The following BRWD3 variants were observed in gnomAD, a reference collection of about 807,000 sequenced individuals.
BRWD3 encodes the protein bromodomain and WD repeat-containing protein 3.
BRWD3 carries 10 observed loss-of-function variants against 149.7 expected under a neutral mutation model. That is an observed-to-expected ratio of 0.07 (90% CI 0.04 to 0.11). The LOEUF (loss-of-function observed/expected upper bound fraction) is 0.11, where lower values mean the gene tolerates loss of function less well. BRWD3 is among the 10% of genes least tolerant of loss of function. The pLI is 1.00. For missense variants in BRWD3, 940 were observed against 1,373.2 expected, an observed-to-expected ratio of 0.68 and a Z score of 4.99; for synonymous variants, 504 against 456.7, an observed-to-expected ratio of 1.10 and a Z score of -1.32.
intron 8 of BRWD3, among the ~76,000 whole-genome samples, chrX:80,743,076 A>T (rs747603128): frequency 1.8e-5 from 2 of 111,881 alleles, no homozygotes; most frequent in South Asian, 7.5e-4. Context: ...TCCCATGAAT[A>T]CCTAATTTAT....
At chrX:80,772,034 T>G (rs146277699) in intron 6 of BRWD3, among the ~76,000 whole-genome samples, 9,346 of 111,330 alleles carry the variant, frequency 0.084, 373 homozygotes, top group South Asian at 0.19. Context: ...TGTAAACTAG[T>G]TCAACCATTC....
At chrX:80,760,089 C>T (rs1004357710) in intron 6 of BRWD3, among the ~76,000 whole-genome samples, 2 of 112,023 alleles carry the variant, frequency 1.8e-5, no homozygotes, top group African/African-American at 3.2e-5. Context: ...CATGTTAAAG[C>T]TTCTAGTTTA....
intron 6 of BRWD3, among the ~76,000 whole-genome samples, chrX:80,755,865 T>C (rs970469886): frequency 4.5e-5 from 5 of 111,796 alleles, no homozygotes; most frequent in Non-Finnish European, 7.5e-5. Flanking sequence ...TACAAAATTA[T>C]GTGTACACTA....
At chrX:80,718,096 G>C (rs2147746168) in intron 18 of BRWD3, among the ~76,000 whole-genome samples, 1 of 111,483 alleles carries the variant, frequency 9.0e-6, no homozygotes, top group South Asian at 3.7e-4. Flanking sequence ...GTTCAGGAAG[G>C]AGCTTTTTGA....
chrX:80,698,256 G>T (rs1355863207), intron 25 of BRWD3, among the ~76,000 whole-genome samples: 1 of 111,573 alleles, frequency 9.0e-6, no homozygotes, highest in Non-Finnish European at 1.9e-5. Flanking sequence ...TTTAACAGAT[G>T]GCAAAACTGA....
chrX:80,809,093 A>T (rs1387554570), intron 2 of BRWD3, 51 bp from the exon 3 acceptor site: 1 of 1,167,249 alleles, frequency 8.6e-7, no homozygotes. Context: ...CCATCAACCC[A>T]TTCCTCCCTC....
At chrX:80,780,324 A>C (rs1569285073) in intron 6 of BRWD3, among the ~76,000 whole-genome samples, 1 of 111,571 alleles carries the variant, frequency 9.0e-6, no homozygotes, top group East Asian at 2.8e-4. Context: ...ACTAGGATTA[A>C]ATGGAGAAAA....
intron 4 of BRWD3, among the ~76,000 whole-genome samples, chrX:80,794,514 AAAAT>A (rs1053595337): frequency 9.1e-6 from 1 of 109,415 alleles, no homozygotes; most frequent in African/African-American, 3.3e-5. Context: ...CAAAAAAATA[AAAAT>A]AAATAAAAAA....
chrX:80,793,592 T>C, intron 5 of BRWD3, 30 bp downstream of exon 5: 1 of 1,196,745 alleles, frequency 8.4e-7, no homozygotes, highest in African/African-American at 1.7e-5. Context: ...CTTCCTCTGA[T>C]ATCACAGTCC....
At chrX:80,741,360 C>A (rs181383213) in intron 8 of BRWD3, among the ~76,000 whole-genome samples, 3 of 111,917 alleles carry the variant, frequency 2.7e-5, no homozygotes, top group Admixed American at 9.5e-5. Flanking sequence ...AATAGTACTG[C>A]AATAAACATC....
chrX:80,741,120 T>C (rs1316556470), intron 8 of BRWD3, among the ~76,000 whole-genome samples: 2 of 109,872 alleles, frequency 1.8e-5, no homozygotes, highest in African/African-American at 3.3e-5. Flanking sequence ...CCAGGTGTTC[T>C]CATTGTTCAA....
At chrX:80,725,146 A>C in intron 14 of BRWD3, 79 bp from the exon 15 acceptor site, 1 of 1,010,785 alleles carries the variant, frequency 9.9e-7, no homozygotes, top group Non-Finnish European at 1.4e-6. Flanking sequence ...TCAGTGTGCT[A>C]TCAGTTAGGT....
chrX:80,685,854 G>A (rs767266353), intron 35 of BRWD3, among the ~76,000 whole-genome samples: 1 of 111,296 alleles, frequency 9.0e-6, no homozygotes, highest in Non-Finnish European at 1.9e-5. Flanking sequence ...CTCATAGGAC[G>A]GTCTGATGTA....
At chrX:80,772,470 G>A (rs1034068056) in intron 6 of BRWD3, among the ~76,000 whole-genome samples, 1 of 110,714 alleles carries the variant, frequency 9.0e-6, no homozygotes, top group Non-Finnish European at 1.9e-5. Flanking sequence ...GCCTGTCGTC[G>A]GGTGGAGGCC....
chrX:80,805,034 A>G (rs996359001), intron 4 of BRWD3, among the ~76,000 whole-genome samples: 1 of 112,065 alleles, frequency 8.9e-6, no homozygotes, highest in East Asian at 2.8e-4. Flanking sequence ...TCTTTTTTAA[A>G]TGACATTTCA....
chrX:80,696,744 G>A lies in BRWD3; in HGVS notation c.3063C>T (p.Ser1021=), dbSNP rs1362129050. The A allele has an allele frequency of 8.3e-7, 1 of 1,207,806 alleles. No individual in the cohort carries two copies. Among genetic ancestry groups the A allele is most frequent in the African/African-American group, 1.8e-5 (1 of 56,721 alleles). ...ACTCAGAGATAACTACTCACTTAAT[G>A]GAAAAAGATTCTCCAGTCATTTTGC... ...ISGKMTGESF[S]IKYHDMPDVI... The change falls in exon 26 of 41, where the codon TCC becomes TCT. Residue 1021 remains serine (S), a synonymous_variant. Transcript: ENST00000373275.
At chrX:80,794,458 T>C (rs1403229732) in intron 4 of BRWD3, among the ~76,000 whole-genome samples, 2 of 108,835 alleles carry the variant, frequency 1.8e-5, no homozygotes, top group East Asian at 2.9e-4. Context: ...TGAGCTGAGA[T>C]TGCACCACCA....
intron 14 of BRWD3, 37 bp downstream of exon 14, chrX:80,728,715 T>C (rs759065310): frequency 5.9e-5 from 66 of 1,125,512 alleles, no homozygotes; most frequent in Non-Finnish European, 7.7e-5. Context: ...AATGTGCTTT[T>C]TGACCATTTT....
chrX:80,744,009 C>G, intron 8 of BRWD3, 23 bp downstream of exon 8: 5 of 1,164,709 alleles, frequency 4.3e-6, no homozygotes, highest in Non-Finnish European at 5.9e-6. Context: ...TATGTTCAAG[C>G]TAAATTTTAT....
Sources: allele counts gnomAD v4.1 joint callset (sites outside exome capture counted in the v4.1 genomes callset), GRCh38; gene constraint gnomAD v4.1.1; transcripts MANE v1.5; gene names NCBI Gene and HGNC (gene_info 2026-07-23, HGNC 2026-07-21).